RBFOX1: variants seen among roughly 807,000 people sequenced by gnomAD.
RBFOX1 encodes RNA binding protein fox-1 homolog 1.
In RBFOX1, 8 loss-of-function variants were observed where a neutral mutation model predicts 57.7. The observed-to-expected ratio is 0.14, with a 90% CI of 0.08 to 0.25. The LOEUF is 0.25. Ranked by LOEUF, RBFOX1 falls within the 10% of genes least tolerant of loss-of-function variation. The pLI, the probability that RBFOX1 is intolerant of heterozygous loss-of-function variation, is 1.00. For synonymous variants in RBFOX1, 326 were observed against 222.4 expected (o/e 1.47, Z -4.15); for missense variants, 611 against 548.5 (o/e 1.11, Z -1.14).
intron 4 of RBFOX1, among the ~76,000 whole-genome samples, chr16:7,158,384 A>T (rs2077577492): frequency 6.6e-6 from 1 of 152,134 alleles, no homozygotes; most frequent in African/African-American, 2.4e-5. Flanking sequence ...GGTTATCACA[A>T]CCAGTGATTG....
At chr16:6,636,431 A>G (rs1313931132) in intron 2 of RBFOX1, among the ~76,000 whole-genome samples, 1 of 152,026 alleles carries the variant, frequency 6.6e-6, no homozygotes, top group African/African-American at 2.4e-5. Context: ...CGGCCTCCCA[A>G]AGTGCTGGGA....
chr16:5,453,698 A>G (rs9934920), intron 1 of RBFOX1, among the ~76,000 whole-genome samples: 25,527 of 152,140 alleles, frequency 0.17, 2,230 homozygotes, highest in Middle Eastern at 0.27. Flanking sequence ...GGTACTTATC[A>G]TTCATTTGTA....
intron 3 of RBFOX1, among the ~76,000 whole-genome samples, chr16:6,808,012 A>G (rs1240250713): frequency 6.6e-6 from 1 of 150,512 alleles, no homozygotes; most frequent in African/African-American, 2.4e-5. Flanking sequence ...ACTATATATA[A>G]TATGCAAATT....
At chr16:6,754,495 G>A (rs184238545) in intron 3 of RBFOX1, among the ~76,000 whole-genome samples, 1 of 152,222 alleles carries the variant, frequency 6.6e-6, no homozygotes, top group Middle Eastern at 3.4e-3. Flanking sequence ...TTTTCATGAG[G>A]AAAATTGAAG....
intron 3 of RBFOX1, among the ~76,000 whole-genome samples, chr16:5,827,871 GTCCATCCATCCATCCA>G (rs58720656): frequency 3.2e-4 from 41 of 128,340 alleles, no homozygotes; most frequent in Non-Finnish European, 3.5e-4. Context: ...CCAGGCTTTT[GTCCATCCATCCATCCA>G]TCCATCCATC....
chr16:6,706,651 C>G (rs957167136), intron 3 of RBFOX1, among the ~76,000 whole-genome samples: 8 of 151,518 alleles, frequency 5.3e-5, no homozygotes, highest in Non-Finnish European at 1.2e-4. Context: ...AAGGGCAACA[C>G]TGTTACACTT....
intron 9 of RBFOX1, among the ~76,000 whole-genome samples, chr16:7,598,230 A>G (rs912715458): frequency 6.6e-6 from 1 of 152,208 alleles, no homozygotes; most frequent in East Asian, 1.9e-4. Flanking sequence ...TACACATGGT[A>G]GAATATTATA....
At chr16:7,162,399 T>C (rs1467337392) in intron 4 of RBFOX1, among the ~76,000 whole-genome samples, 1 of 151,992 alleles carries the variant, frequency 6.6e-6, no homozygotes, top group Non-Finnish European at 1.5e-5. Flanking sequence ...TTAGCAAATT[T>C]TATGATGCTC....
intron 3 of RBFOX1, among the ~76,000 whole-genome samples, chr16:6,900,735 C>T (rs551855749): frequency 4.6e-5 from 7 of 152,292 alleles, no homozygotes; most frequent in South Asian, 4.1e-4. Flanking sequence ...TCCTATCTTT[C>T]GTCTAAACTG....
intron 4 of RBFOX1, among the ~76,000 whole-genome samples, chr16:6,010,731 A>G (rs1294917336): frequency 6.6e-6 from 1 of 152,198 alleles, no homozygotes; most frequent in Non-Finnish European, 1.5e-5. Flanking sequence ...AAATTCCCAA[A>G]CGGTATCCGT....
chr16:5,877,233 C>T (rs529367476), intron 4 of RBFOX1, among the ~76,000 whole-genome samples: 25 of 152,312 alleles, frequency 1.6e-4, no homozygotes, highest in Non-Finnish European at 2.5e-4. Context: ...GGAGGGGTCA[C>T]GCATTTATTC....
chr16:5,767,659 G>A (rs2053834936), intron 3 of RBFOX1, among the ~76,000 whole-genome samples: 1 of 152,064 alleles, frequency 6.6e-6, no homozygotes. Context: ...TCTTCCCCTT[G>A]GTATTTATAG....
intron 1 of RBFOX1, among the ~76,000 whole-genome samples, chr16:5,243,918 A>G (rs1416987586): frequency 1.3e-5 from 2 of 152,126 alleles, no homozygotes; most frequent in South Asian, 4.1e-4. Flanking sequence ...TTTTTTTAAG[A>G]TGGAGTCTTA....
At chr16:7,323,178 C>T (rs985405875) in intron 4 of RBFOX1, among the ~76,000 whole-genome samples, 1 of 152,148 alleles carries the variant, frequency 6.6e-6, no homozygotes, top group African/African-American at 2.4e-5. Context: ...AATGCCAGGA[C>T]TTTGGGAGGC....
intron 3 of RBFOX1, among the ~76,000 whole-genome samples, chr16:6,973,953 G>C (rs57846728): frequency 6.6e-6 from 1 of 152,042 alleles, no homozygotes. Context: ...GCAGACCCCA[G>C]TGTGTGGTGT....
chr16:6,416,144 T>C (rs1447420911), intron 2 of RBFOX1, among the ~76,000 whole-genome samples: 1 of 152,196 alleles, frequency 6.6e-6, no homozygotes, highest in Non-Finnish European at 1.5e-5. Flanking sequence ...TTTTGGAACA[T>C]GGTGCAGCAG....
At chr16:7,670,677 C>G (rs1174638716) in intron 13 of RBFOX1, among the ~76,000 whole-genome samples, 1 of 152,074 alleles carries the variant, frequency 6.6e-6, no homozygotes, top group Non-Finnish European at 1.5e-5. Context: ...CATAAGGAAG[C>G]AAATTTAAAC....
At chr16:7,594,128 C>A (rs903498721) in intron 7 of RBFOX1, among the ~76,000 whole-genome samples, 7 of 151,960 alleles carry the variant, frequency 4.6e-5, no homozygotes, top group African/African-American at 1.2e-4. Flanking sequence ...CTCCCCCAGC[C>A]CCCCACCCCG....
Position 6,854,655 on chromosome 16 carries a change from C to T in RBFOX1, c.-15-197402C>T, listed in dbSNP as rs1371631380. 2.4e-5 allele frequency among the ~76,000 whole-genome samples: 3 copies of T among 127,204 alleles called. No individual in the cohort carries two copies. In the Admixed American group the frequency reaches 2.9e-4, roughly 12 times the overall value. The allele number at this position is 127,204 out of a possible 152,430, so 83.5% of individuals were successfully genotyped here. A position where few individuals can be genotyped will look rare whatever the true frequency, so the allele number is the denominator to read the frequency against. ...TTTTGCCCAGGCTGGAGTGCAGTGG[C>T]GCTATCTGGGCTCACTGCAAGCTCC... On this transcript the variant is annotated intron_variant, in intron 3 of 15. Transcript: ENST00000550418.
Sources: allele counts gnomAD v4.1 joint callset (sites outside exome capture counted in the v4.1 genomes callset), GRCh38; gene constraint gnomAD v4.1.1; transcripts MANE v1.5; gene names NCBI Gene and HGNC (gene_info 2026-07-23, HGNC 2026-07-21).